The following COL6A1 variants were observed in gnomAD, a reference collection of about 807,000 sequenced individuals.
COL6A1 encodes the protein collagen type VI alpha 1 chain, also known as collagen alpha-1(VI) chain.
A neutral mutation model predicts 145.6 loss-of-function variants in COL6A1; 80 were observed. The observed-to-expected ratio is 0.55, with a 90% CI of 0.46 to 0.66. The LOEUF is 0.66. Ranked by LOEUF, COL6A1 falls within the 30% of genes least tolerant of loss-of-function variation. The pLI is 0.00. For synonymous variants in COL6A1, 638 were observed against 622.8 expected (o/e 1.02, Z -0.36); for missense variants, 1,364 against 1,473.8 (o/e 0.93, Z 1.22).
chr21:45,984,311 G>A lies in COL6A1; in HGVS notation c.270G>A (p.Ala90=), dbSNP rs776938323. The change falls in exon 3 of 35, where the codon GCG becomes GCA. Residue 90 remains alanine (A), a synonymous_variant. Transcript: ENST00000361866. The part of the protein sequence containing the change: ...CDRNLVWNAG[A]LHYSDEVEII... ...GAAACCTGGTGTGGAACGCAGGCGC[G>A]CTGCACTACAGTGACGAGGTGGAGA... The A allele has an allele frequency of 1.2e-5, 19 of 1,611,524 alleles. No homozygotes were observed. In the East Asian group the frequency reaches 2.0e-4, roughly 17 times the overall value.
intron 29 of COL6A1, 182 bp from the exon 30 acceptor site, chr21:46,001,071 G>A (rs901659998): frequency 1.6e-5 from 14 of 889,984 alleles, no homozygotes; most frequent in South Asian, 3.4e-5. Flanking sequence ...CTGACCAGCC[G>A]CCGGACAGAG....
chr21:45,987,574 CT>C (rs1424312198), intron 7 of COL6A1, 35 bp from the exon 8 acceptor site: 6 of 1,612,718 alleles, frequency 3.7e-6, no homozygotes, highest in Non-Finnish European at 5.1e-6. Flanking sequence ...GAACCTGAGT[CT>C]GGGGTCCTGG....
intron 20 of COL6A1, among the ~76,000 whole-genome samples, chr21:45,996,782 A>G (rs915829344): frequency 2.6e-5 from 4 of 152,162 alleles, no homozygotes; most frequent in African/African-American, 9.6e-5. Context: ...CAGGCCCTCA[A>G]AGGTGGGAGC....
Position 45,997,473 on chromosome 21 carries a change from C to T in COL6A1, c.1451C>T (p.Pro484Leu), listed in dbSNP as rs779748438. Residue 484 changes from proline (P) to leucine (L), a missense_variant, in exon 21 of 35, where the codon CCA becomes CTA. By Grantham distance (98) the Pro-to-Leu change is moderately conservative. Around this residue, in one of 3 missense-constraint regions of COL6A1, gnomAD observed 938 missense variants for 1,003.8 expected, o/e 0.93. Coordinates refer to ENST00000361866, the MANE Select transcript of COL6A1 (RefSeq NM_001848.3). The part of the protein sequence containing the change: ...PKGYRGDEGP[P>L]GSEGARGAPG... Reference sequence around the variant, plus strand: ...GGCTACCGAGGCGATGAGGGTCCCCCAGGGTCCGAGGTGAGTCCCACTCCC... The same window carrying T: ...GGCTACCGAGGCGATGAGGGTCCCCTAGGGTCCGAGGTGAGTCCCACTCCC... The T allele has an allele frequency of 2.2e-5, 36 of 1,611,412 alleles. No individual in the cohort carries two copies. The Admixed American group carries it at 6.0e-4, about 27-fold the overall frequency.
At chr21:46,001,857 G>A in intron 30 of COL6A1, 104 bp from the exon 31 acceptor site, 1 of 968,510 alleles carries the variant, frequency 1.0e-6, no homozygotes, top group Non-Finnish European at 1.6e-6. Context: ...GGTCCTGGGG[G>A]CCATGCCACC....
chr21:45,986,718 A>G, intron 4 of COL6A1, 33 bp downstream of exon 4: 1 of 1,539,026 alleles, frequency 6.5e-7, no homozygotes, highest in East Asian at 2.5e-5. Flanking sequence ...AGATGCCCCC[A>G]ACCACAGGGA....
chr21:46,003,669 G>A lies in COL6A1; in HGVS notation c.2743G>A (p.Asp915Asn), dbSNP rs763910773. The A allele has an allele frequency of 8.7e-6, 14 of 1,612,960 alleles. No homozygotes were observed. The highest frequency in any genetic ancestry group is 1.6e-4 in the Middle Eastern group (1 of 6,084). Residue 915 changes from aspartate to asparagine, a missense_variant, in exon 35 of 35, where the codon GAC becomes AAC. Physicochemically the swap from Asp to Asn is conservative, Grantham distance 23. Transcript: ENST00000361866. ...DAMDFINDAT[D>N]VNDALGYVTR... The stretch of plus-strand genomic sequence containing the variant: ...CATGGACTTTATCAACGACGCCACC[G>A]ACGTCAACGATGCCCTGGGCTATGT...
At position 46,002,054 on chromosome 21, in the gene COL6A1, G is replaced by T. The variant is rs138312247; in HGVS notation, c.2050G>T (p.Val684Leu). The T allele has an allele frequency of 1.5e-4, 240 of 1,611,704 alleles. No homozygotes were observed. The highest frequency in any genetic ancestry group is 1.9e-4 in the Non-Finnish European group (230 of 1,179,670). Residue 684 changes from valine (V) to leucine (L), a missense_variant, in exon 31 of 35, where the codon GTG becomes TTG. Around this residue, in one of 3 missense-constraint regions of COL6A1, gnomAD observed 938 missense variants for 1,003.8 expected, o/e 0.93. Coordinates refer to ENST00000361866, the MANE Select transcript of COL6A1 (RefSeq NM_001848.3). ...CCTGCGCAGCCCCAGCATCCGGAACGTGCAGGAGCTCAAGGAGTGAGTGCC... is the reference window on the plus strand; with the variant it reads ...CCTGCGCAGCCCCAGCATCCGGAACTTGCAGGAGCTCAAGGAGTGAGTGCC... Reference protein sequence around the residue: ...VSLRSPSIRNVQELKEAIKSL... With the variant: ...VSLRSPSIRNLQELKEAIKSL...
In COL6A1 at chr21:45,999,794, G is replaced by GC. The variant is rs940577889; in HGVS notation, c.1776+102_1776+103insC. 9.3e-5 allele frequency: 91 copies of GC among 973,520 alleles called. 7 individuals are homozygous for GC. Among genetic ancestry groups the GC allele is most frequent in the Middle Eastern group, 4.3e-4 (2 of 4,662 alleles). The allele number at this position is 973,520 out of a possible 1,614,324, so 60.3% of individuals were successfully genotyped here. On this transcript the variant is annotated intron_variant, in intron 27 of 34. Transcript: ENST00000361866. ...GGTGCTCCTGTAGACGCTGCTCACG[G>GC]GGGGGTGGGTTGTGGACAAAGAGCT...
chr21:46,002,767 CCGGGCAG>C (rs2077855428), intron 33 of COL6A1, 57 bp downstream of exon 33: 1 of 1,517,182 alleles, frequency 6.6e-7, no homozygotes, highest in African/African-American at 1.4e-5. Context: ...GCGGGGCCGC[CCGGGCAG>C]TCCCAGATCT....
chr21:45,986,479 G>C, intron 3 of COL6A1, 47 bp from the exon 4 acceptor site: 5 of 1,546,660 alleles, frequency 3.2e-6, no homozygotes, highest in Non-Finnish European at 4.4e-6. Context: ...TCTCCCTCCA[G>C]TTCCCCCACC....
In COL6A1 at chr21:45,984,449, G is replaced by A. The variant is rs1197947751; in HGVS notation, c.408G>A (p.Gly136=). 1 of 1,611,086 alleles carries A rather than the reference G, an allele frequency of 6.2e-7. No individual in the cohort carries two copies. Among genetic ancestry groups the A allele is most frequent in the African/African-American group, 1.3e-5 (1 of 75,070 alleles). The change falls in exon 3 of 35, where the codon GGG becomes GGA. Residue 136 remains glycine (G), a synonymous_variant. Coordinates refer to ENST00000361866, the MANE Select transcript of COL6A1 (RefSeq NM_001848.3). ...GTYTDCAIKK[G]LEQLLVGGSH... is the part of the protein sequence containing the mutation. ...ACACCGACTGCGCTATCAAGAAGGG[G>A]CTGGAGCAGCTCCTCGTGGGGTGAG...
chr21:46,004,093 A>G lies in COL6A1; in HGVS notation c.*80A>G, dbSNP rs2077866843. The G allele has an allele frequency of 6.4e-7, 1 of 1,557,794 alleles. No individual in the cohort carries two copies. Among genetic ancestry groups the G allele is most frequent in the Admixed American group, 1.8e-5 (1 of 56,310 alleles). ...CTAAACAGAGTAAAATGTGATGCGA[A>G]TTTTCCCGACCAACCTGATTCGCTA... On this transcript the variant is annotated 3_prime_UTR_variant, in exon 35 of 35. Coordinates refer to ENST00000361866, the MANE Select transcript of COL6A1 (RefSeq NM_001848.3).
chr21:45,991,030 A>C lies in COL6A1; in HGVS notation c.1108A>C (p.Lys370Gln). ...GGGAGACCCCGGTGCCTTTGGACTG[A>C]AAGGAGAAAAGGTGAGTGACTTGCG... ...PKGDPGAFGL[K>Q]GEKGEPGADG... is the part of the protein sequence containing the mutation. Residue 370 changes from lysine to glutamine, a missense_variant, in exon 15 of 35, where the codon AAA becomes CAA. By Grantham distance (53) the Lys-to-Gln change is moderately conservative. Transcript: ENST00000361866. 1 of 1,613,206 alleles carries C rather than the reference A, an allele frequency of 6.2e-7. No individual in the cohort carries two copies. Among genetic ancestry groups the C allele is most frequent in the Non-Finnish European group, 8.5e-7 (1 of 1,179,844 alleles).
In COL6A1 at chr21:45,986,925, C is replaced by T; in HGVS notation, c.589-19C>T. 6.5e-7 allele frequency: 1 copy of T among 1,543,550 alleles called. No individual in the cohort carries two copies. Among genetic ancestry groups the T allele is most frequent in the Non-Finnish European group, 8.7e-7 (1 of 1,149,232 alleles). On this transcript the variant is annotated intron_variant, in intron 4 of 34. Coordinates refer to ENST00000361866, the MANE Select transcript of COL6A1 (RefSeq NM_001848.3). ...AGGGGTCCCAGCCCTGCTCAGCCCACCCTGAACACTGCCCCCAGGAGCCGC... is the reference window on the plus strand; with the variant it reads ...AGGGGTCCCAGCCCTGCTCAGCCCATCCTGAACACTGCCCCCAGGAGCCGC...
At chr21:45,982,990 T>A (rs2123460684) in intron 2 of COL6A1, among the ~76,000 whole-genome samples, 1 of 148,986 alleles carries the variant, frequency 6.7e-6, no homozygotes, top group South Asian at 2.1e-4. Flanking sequence ...CAGAGTGAGC[T>A]GGTTTGAGAC....
chr21:45,990,735 T>C lies in COL6A1; in HGVS notation c.1003-38T>C, dbSNP rs896367843. ...AGTTGATTGGCCTCAGTTTACCCACTTGGCCGTCAGATTTTCTAGTTTTCT... is the reference window on the plus strand; with the variant it reads ...AGTTGATTGGCCTCAGTTTACCCACCTGGCCGTCAGATTTTCTAGTTTTCT... On this transcript the variant is annotated intron_variant, in intron 13 of 34. Coordinates refer to ENST00000361866, the MANE Select transcript of COL6A1 (RefSeq NM_001848.3). 6 of 1,597,908 alleles carry C rather than the reference T, an allele frequency of 3.8e-6. No individual in the cohort carries two copies. The African/African-American group carries it at 6.7e-5, about 18-fold the overall frequency.
intron 13 of COL6A1, 129 bp from the exon 14 acceptor site, chr21:45,990,644 G>A: frequency 1.2e-6 from 1 of 834,330 alleles, no homozygotes; most frequent in Non-Finnish European, 2.0e-6. Context: ...GTGACCCCAG[G>A]GGGGTGTCTG....
chr21:46,000,810 G>GT (rs2077839973), intron 29 of COL6A1, 43 bp downstream of exon 29: 1 of 1,611,812 alleles, frequency 6.2e-7, no homozygotes, highest in African/African-American at 1.3e-5. Context: ...GATCCCGGGG[G>GT]TCGGGGAGCG....
Sources: allele counts gnomAD v4.1 joint callset (sites outside exome capture counted in the v4.1 genomes callset), GRCh38; gene constraint gnomAD v4.1.1; regional missense constraint gnomAD v4.1.1; transcripts MANE v1.5; gene names NCBI Gene and HGNC (gene_info 2026-07-23, HGNC 2026-07-21).